Variants in SNTG1 observed in about 807,000 individuals in gnomAD.
SNTG1 encodes the protein gamma-1-syntrophin.
A neutral mutation model predicts 74.7 loss-of-function variants in SNTG1; 39 were observed. The ratio of observed to expected loss-of-function variants is 0.52; its 90% CI spans 0.40 to 0.68. The LOEUF (loss-of-function observed/expected upper bound fraction) is 0.68, where lower values mean the gene tolerates loss of function less well. Ranked by LOEUF, SNTG1 falls within the 30% of genes least tolerant of loss-of-function variation. The pLI is 0.00. For missense variants in SNTG1, 685 were observed against 609.5 expected (o/e 1.12, Z -1.30); for synonymous variants, 254 against 217.1 (o/e 1.17, Z -1.49).
intron 5 of SNTG1, among the ~76,000 whole-genome samples, chr8:50,441,589 C>A (rs1266598758): frequency 6.6e-6 from 1 of 152,162 alleles, no homozygotes. Flanking sequence ...AACAGCTTTA[C>A]ATTTTAAAAA....
rs1809256808 is a variant in SNTG1 at position 49,947,053 on chromosome 8, A to T, written c.-103+34822A>T. The stretch of plus-strand genomic sequence containing the variant: ...GGTGGCTCATGCCTGTAATCCCAGC[A>T]CTTTGGGAGGCTGAGGTGGGCAGAT... On this transcript the variant is annotated intron_variant, in intron 1 of 18. Transcript: ENST00000642720. Among the ~76,000 whole-genome samples, 5 of 152,300 alleles carry T rather than the reference A, an allele frequency of 3.3e-5. No individual in the cohort carries two copies. In the South Asian group the frequency reaches 1.0e-3, roughly 32 times the overall value.
At chr8:50,146,957 A>C (rs997924217) in intron 1 of SNTG1, among the ~76,000 whole-genome samples, 1 of 152,144 alleles carries the variant, frequency 6.6e-6, no homozygotes, top group African/African-American at 2.4e-5. Flanking sequence ...TTCTCTCACT[A>C]TATGGCTGTC....
At position 50,321,018 on chromosome 8, in the gene SNTG1, C is replaced by T. The variant is rs1053484519; in HGVS notation, c.-27-73194C>T. Among the ~76,000 whole-genome samples the T allele has an allele frequency of 4.5e-4, 69 of 152,088 alleles. 1 individual carries two copies. The highest frequency in any genetic ancestry group is 1.5e-3 in the African/African-American group (63 of 41,534). On this transcript the variant is annotated intron_variant, in intron 2 of 18. Transcript: ENST00000642720. ...TTGGGTGAAACGTTCTGTAACATTA[C>T]ACGAAATATACCTGATATACATATA...
At chr8:50,730,013 C>A (rs1011207514) in intron 17 of SNTG1, among the ~76,000 whole-genome samples, 9 of 151,656 alleles carry the variant, frequency 5.9e-5, no homozygotes, top group African/African-American at 1.9e-4. Context: ...ACACGGACTG[C>A]GATGCTAAAA....
chr8:50,742,424 G>T (rs144992702), intron 17 of SNTG1, among the ~76,000 whole-genome samples: 1 of 151,774 alleles, frequency 6.6e-6, no homozygotes, highest in Admixed American at 6.6e-5. Flanking sequence ...ACTGTCAACT[G>T]GATAAAGAAG....
intron 17 of SNTG1, among the ~76,000 whole-genome samples, chr8:50,751,665 T>A (rs2095567697): frequency 6.6e-6 from 1 of 152,026 alleles, no homozygotes; most frequent in Non-Finnish European, 1.5e-5. Flanking sequence ...TCCAGAATGA[T>A]CAATTCAAAA....
chr8:49,989,512 T>G (rs1411758035), intron 1 of SNTG1, among the ~76,000 whole-genome samples: 1 of 151,944 alleles, frequency 6.6e-6, no homozygotes, highest in African/African-American at 2.4e-5. Context: ...TCTGGTGAAT[T>G]TTACCAAACA....
At chr8:50,181,044 G>A (rs574568746) in intron 2 of SNTG1, among the ~76,000 whole-genome samples, 5 of 152,106 alleles carry the variant, frequency 3.3e-5, no homozygotes, top group East Asian at 3.9e-4. Context: ...GATTACAGGC[G>A]TGAGCCACTG....
At chr8:50,302,914 T>C (rs2089715945) in intron 2 of SNTG1, among the ~76,000 whole-genome samples, 1 of 152,198 alleles carries the variant, frequency 6.6e-6, no homozygotes, top group African/African-American at 2.4e-5. Flanking sequence ...TTGTGTCCAG[T>C]TTTATCATTG....
intron 1 of SNTG1, among the ~76,000 whole-genome samples, chr8:50,099,036 A>G (rs1367815656): frequency 6.6e-6 from 1 of 152,104 alleles, no homozygotes; most frequent in Non-Finnish European, 1.5e-5. Flanking sequence ...TTGAGGTTTT[A>G]TACTGAAATT....
chr8:49,997,667 C>A (rs1814354952), intron 1 of SNTG1, among the ~76,000 whole-genome samples: 1 of 152,124 alleles, frequency 6.6e-6, no homozygotes, highest in Non-Finnish European at 1.5e-5. Flanking sequence ...AATATTTTAT[C>A]ACTTGACTTC....
chr8:50,277,180 T>C (rs1459235228), intron 2 of SNTG1, among the ~76,000 whole-genome samples: 1 of 149,122 alleles, frequency 6.7e-6, no homozygotes, highest in African/African-American at 2.5e-5. Flanking sequence ...GATGGAAGAC[T>C]CTCTTGAACT....
At chr8:50,643,239 T>C (rs961158992) in intron 13 of SNTG1, among the ~76,000 whole-genome samples, 2 of 152,250 alleles carry the variant, frequency 1.3e-5, no homozygotes, top group Admixed American at 6.5e-5. Context: ...ACCTGCTTTC[T>C]TATGCTGACA....
At chr8:50,563,961 T>C (rs1428723168) in intron 12 of SNTG1, among the ~76,000 whole-genome samples, 1 of 152,192 alleles carries the variant, frequency 6.6e-6, no homozygotes, top group East Asian at 1.9e-4. Flanking sequence ...GGAAATACTT[T>C]TACTGAATAA....
chr8:50,315,137 A>C (rs1587088035), intron 2 of SNTG1, among the ~76,000 whole-genome samples: 1 of 149,998 alleles, frequency 6.7e-6, no homozygotes, highest in Admixed American at 6.8e-5. Flanking sequence ...TATATATATT[A>C]TTTATAATTT....
chr8:49,938,603 T>TTTTTTCTTTTCTTTTTTTCTTTTC (rs1554524905), intron 1 of SNTG1, among the ~76,000 whole-genome samples: 1 of 74,754 alleles, frequency 1.3e-5, no homozygotes, highest in African/African-American at 4.5e-5. Context: ...TTTTCTTTTC[T>TTTTTTCTTTTCTTTTTTTCTTTTC]TTTCTTTCTT....
At chr8:50,741,136 T>C (rs952427587) in intron 17 of SNTG1, among the ~76,000 whole-genome samples, 1 of 152,012 alleles carries the variant, frequency 6.6e-6, no homozygotes, top group Non-Finnish European at 1.5e-5. Flanking sequence ...ACTTTTCTTT[T>C]TTTTCTGAGG....
intron 2 of SNTG1, among the ~76,000 whole-genome samples, chr8:50,341,077 T>C (rs1278666668): frequency 1.3e-5 from 2 of 151,936 alleles, no homozygotes; most frequent in African/African-American, 2.4e-5. Flanking sequence ...GCTTTTGTTG[T>C]TGTTTGGTTG....
intron 17 of SNTG1, among the ~76,000 whole-genome samples, chr8:50,730,517 A>G (rs1322439775): frequency 1.3e-5 from 2 of 152,200 alleles, no homozygotes; most frequent in African/African-American, 4.8e-5. Flanking sequence ...AAGATGAACA[A>G]AAAGATTATA....
Sources: gnomAD v4.1 joint callset for allele counts (sites outside exome capture counted in the v4.1 genomes callset) on GRCh38, gnomAD v4.1.1 for gene constraint, MANE v1.5 for transcripts, NCBI Gene and HGNC (gene_info 2026-07-23, HGNC 2026-07-21) for gene names.